SNTG1: variants seen among roughly 807,000 people sequenced by gnomAD.
SNTG1 encodes gamma-1-syntrophin.
A neutral mutation model predicts 74.7 loss-of-function variants in SNTG1; 39 were observed. The observed-to-expected ratio is 0.52, with a 90% CI of 0.40 to 0.68. The LOEUF (loss-of-function observed/expected upper bound fraction) is 0.68. Ranked by LOEUF, SNTG1 falls within the 30% of genes least tolerant of loss-of-function variation. SNTG1 has a pLI of 0.00. For missense variants in SNTG1, 685 were observed against 609.5 expected (o/e 1.12, Z -1.30); for synonymous variants, 254 against 217.1 (o/e 1.17, Z -1.49).
At chr8:50,137,169 A>G (rs1293339907) in intron 1 of SNTG1, among the ~76,000 whole-genome samples, 2 of 152,196 alleles carry the variant, frequency 1.3e-5, no homozygotes, top group African/African-American at 4.8e-5. Context: ...ACATCCTCCC[A>G]TGCAGTGTGA....
chr8:49,922,908 A>T (rs564053227), intron 1 of SNTG1, among the ~76,000 whole-genome samples: 15 of 152,120 alleles, frequency 9.9e-5, no homozygotes, highest in African/African-American at 3.4e-4. Flanking sequence ...TTTGGTTTTA[A>T]CTCTTCTCCT....
intron 2 of SNTG1, among the ~76,000 whole-genome samples, chr8:50,320,720 C>T (rs1429407091): frequency 6.6e-6 from 1 of 151,904 alleles, no homozygotes; most frequent in African/African-American, 2.4e-5. Context: ...GTTTCCAATA[C>T]CATTTGTTTC....
chr8:50,569,540 AC>A (rs2094535264), intron 12 of SNTG1, among the ~76,000 whole-genome samples: 1 of 149,072 alleles, frequency 6.7e-6, no homozygotes, highest in Non-Finnish European at 1.5e-5. Context: ...CAAAAAACAA[AC>A]AAAAAACAAA....
intron 2 of SNTG1, among the ~76,000 whole-genome samples, chr8:50,340,626 A>C (rs574927821): frequency 6.6e-6 from 1 of 152,104 alleles, no homozygotes; most frequent in East Asian, 1.9e-4. Context: ...ATAAATTCCT[A>C]AGACAACATG....
At chr8:50,525,080 T>C (rs537885318) in intron 9 of SNTG1, among the ~76,000 whole-genome samples, 3 of 152,284 alleles carry the variant, frequency 2.0e-5, no homozygotes, top group East Asian at 1.9e-4. Context: ...TGAAGTCCCA[T>C]GGTTTTTGTT....
intron 8 of SNTG1, among the ~76,000 whole-genome samples, chr8:50,454,402 C>T (rs2093484305): frequency 6.6e-6 from 1 of 152,074 alleles, no homozygotes; most frequent in African/African-American, 2.4e-5. Context: ...GAGGCTGAGG[C>T]AGGAGAATTG....
intron 1 of SNTG1, among the ~76,000 whole-genome samples, chr8:50,015,628 A>G (rs1816236050): frequency 6.6e-6 from 1 of 152,170 alleles, no homozygotes; most frequent in South Asian, 2.1e-4. Flanking sequence ...GAGCCTTAAT[A>G]TCAGTTTAGT....
rs559618110 is a variant in SNTG1 at position 50,494,304 on chromosome 8, G to A, written c.364-8474G>A. 5.9e-4 allele frequency among the ~76,000 whole-genome samples: 89 copies of A among 151,878 alleles called. 1 individual carries two copies. Among genetic ancestry groups the A allele is most frequent in the Middle Eastern group, 3.4e-3 (1 of 294 alleles). ...ATTTCTCACTTGCTGAATTCCATAT[G>A]CTAATACTGTATTCAAAATACAGTA... On this transcript the variant is annotated intron_variant, in intron 8 of 18. Coordinates refer to ENST00000642720, the MANE Select transcript of SNTG1 (RefSeq NM_018967.5).
intron 4 of SNTG1, among the ~76,000 whole-genome samples, chr8:50,435,318 T>A (rs1227743626): frequency 6.6e-6 from 1 of 152,212 alleles, no homozygotes; most frequent in African/African-American, 2.4e-5. Context: ...ATAAAATCAC[T>A]GACAATACTT....
At chr8:50,299,488 A>C (rs948924435) in intron 2 of SNTG1, among the ~76,000 whole-genome samples, 2 of 152,166 alleles carry the variant, frequency 1.3e-5, no homozygotes, top group Admixed American at 6.6e-5. Flanking sequence ...TTTGGGGAAC[A>C]AAGAGACATC....
intron 9 of SNTG1, among the ~76,000 whole-genome samples, chr8:50,508,801 T>C (rs1330545929): frequency 1.3e-5 from 2 of 152,318 alleles, no homozygotes; most frequent in East Asian, 1.9e-4. Flanking sequence ...TTTGAGTTCA[T>C]TGTAGATTCT....
At chr8:50,363,330 G>A (rs1257868528) in intron 2 of SNTG1, among the ~76,000 whole-genome samples, 9 of 152,124 alleles carry the variant, frequency 5.9e-5, no homozygotes, top group African/African-American at 2.2e-4. Flanking sequence ...TGCAAAGGTG[G>A]TGAATCTGGG....
At chr8:50,583,679 C>T (rs903008875) in intron 12 of SNTG1, among the ~76,000 whole-genome samples, 1 of 151,604 alleles carries the variant, frequency 6.6e-6, no homozygotes, top group Non-Finnish European at 1.5e-5. Context: ...GTCTATAAAT[C>T]CCCTGGAACT....
At chr8:50,786,671 G>A (rs1331537508) in intron 18 of SNTG1, among the ~76,000 whole-genome samples, 1 of 151,892 alleles carries the variant, frequency 6.6e-6, no homozygotes, top group African/African-American at 2.4e-5. Context: ...ATACAATTGA[G>A]AGTCTAGAAA....
chr8:50,357,235 C>A (rs372785840), intron 2 of SNTG1, among the ~76,000 whole-genome samples: 1 of 152,160 alleles, frequency 6.6e-6, no homozygotes, highest in Non-Finnish European at 1.5e-5. Context: ...TGGGGTCTCC[C>A]CCTCCACGAC....
intron 18 of SNTG1, among the ~76,000 whole-genome samples, chr8:50,752,684 A>G (rs2095570632): frequency 6.6e-6 from 1 of 152,018 alleles, no homozygotes; most frequent in Admixed American, 6.6e-5. Flanking sequence ...CTATGAATTA[A>G]CATTACCATA....
intron 13 of SNTG1, among the ~76,000 whole-genome samples, chr8:50,649,831 TA>T (rs2095133811): frequency 2.0e-5 from 3 of 151,950 alleles, no homozygotes; most frequent in Admixed American, 2.0e-4. Context: ...TACTCAGTAA[TA>T]TAATTTATTT....
rs1465056169 is a variant in SNTG1, at chr8:50,509,274, G to A, written c.466+6394G>A. 3.3e-5 allele frequency among the ~76,000 whole-genome samples: 5 copies of A among 152,214 alleles called. No homozygotes were observed. In the East Asian group the frequency reaches 7.7e-4, roughly 24 times the overall value. On this transcript the variant is annotated intron_variant, in intron 9 of 18. Transcript: ENST00000642720. ...CTGAGGGCTCTGTTCTGTTCCATTG[G>A]TCTCTATCTCTGTTTTGGTACCAGT... is the stretch of plus-strand genomic sequence containing the variant.
At chr8:50,147,840 G>A (rs1461448448) in intron 1 of SNTG1, among the ~76,000 whole-genome samples, 2 of 152,174 alleles carry the variant, frequency 1.3e-5, no homozygotes, top group Non-Finnish European at 2.9e-5. Context: ...TAAACACACT[G>A]CATGTGCCAT....
Sources: allele counts gnomAD v4.1 joint callset (sites outside exome capture counted in the v4.1 genomes callset), GRCh38; gene constraint gnomAD v4.1.1; transcripts MANE v1.5; gene names NCBI Gene and HGNC (gene_info 2026-07-23, HGNC 2026-07-21).